Variants in SMG1 observed in about 807,000 individuals in gnomAD.
SMG1 encodes the protein SMG1 nonsense mediated mRNA decay associated PI3K related kinase, also known as serine/threonine-protein kinase SMG1.
In SMG1, 22 loss-of-function variants were observed where a neutral mutation model predicts 419.9. The ratio of observed to expected loss-of-function variants is 0.05; its 90% CI spans 0.04 to 0.07. The LOEUF (loss-of-function observed/expected upper bound fraction) is 0.07. Ranked by LOEUF, SMG1 falls within the 10% of genes least tolerant of loss-of-function variation. The pLI is 1.00. For synonymous variants in SMG1, 1,538 were observed against 1,553.5 expected (o/e 0.99, Z 0.23); for missense variants, 3,185 against 4,342.0 (o/e 0.73, Z 7.49).
chr16:18,921,221 T>C (rs952458836), intron 1 of SMG1, among the ~76,000 whole-genome samples: 8 of 151,228 alleles, frequency 5.3e-5, no homozygotes, highest in Non-Finnish European at 1.5e-5. Context: ...TGTGGTGGTA[T>C]GCACCTGTGG....
intron 62 of SMG1, among the ~76,000 whole-genome samples, chr16:18,810,411 G>A (rs568933350): frequency 1.3e-5 from 2 of 152,276 alleles, no homozygotes; most frequent in South Asian, 4.1e-4. Flanking sequence ...CGGAAGAGAA[G>A]AGGGAAAGGC....
intron 19 of SMG1, among the ~76,000 whole-genome samples, chr16:18,869,572 G>A (rs2035701644): frequency 6.6e-6 from 1 of 151,876 alleles, no homozygotes; most frequent in Non-Finnish European, 1.5e-5. Flanking sequence ...AGCATGTCTA[G>A]AATATCTCCA....
chr16:18,819,711 GTGGAGTATTTTATATAACAC>G, intron 55 of SMG1, 57 bp from the exon 56 acceptor site: 1 of 1,438,818 alleles, frequency 7.0e-7, no homozygotes, highest in East Asian at 2.5e-5. Context: ...CTTCCTATTT[GTGGAGTATTTTATATAACAC>G]AATAAAGATT....
intron 6 of SMG1, among the ~76,000 whole-genome samples, 167 bp from the exon 7 acceptor site, chr16:18,885,833 C>A (rs1048212624): frequency 3.3e-5 from 5 of 152,022 alleles, no homozygotes; most frequent in African/African-American, 9.6e-5. Flanking sequence ...TAAATCCCAA[C>A]TACCTGGGAG....
Position 18,832,907 on chromosome 16 carries a change from T to G in SMG1, c.8792+33A>C, listed in dbSNP as rs1048767019. On this transcript the variant is annotated intron_variant, in intron 51 of 62. Transcript: ENST00000446231. ...CTTTCTCTGGCTGTCCCATCTCTTT[T>G]ACAAGGAAACGGCACAGCCAGCATT... The G allele has an allele frequency of 8.9e-6, 14 of 1,575,690 alleles. No individual in the cohort carries two copies. The African/African-American group carries it at 1.9e-4, about 21-fold the overall frequency.
chr16:18,849,104 A>AAAAAAAAAAAAAAAAAC lies in SMG1; in HGVS notation c.5623+112_5623+113insGTTTTTTTTTTTTTTTT, dbSNP rs1555493199. On this transcript the variant is annotated intron_variant, in intron 36 of 62. Transcript: ENST00000446231. ...AAAAAAAAAAAAAAAAAAAAAAAAA[A>AAAAAAAAAAAAAAAAAC]AACCCTACAAACTCTAACAACTCTG... 4 of 260,670 alleles carry AAAAAAAAAAAAAAAAAC rather than the reference A, an allele frequency of 1.5e-5. 2 individuals carry two copies. Among genetic ancestry groups the AAAAAAAAAAAAAAAAAC allele is most frequent in the Non-Finnish European group, 1.4e-5 (2 of 147,924 alleles). The allele number at this position is 260,670 out of a possible 1,614,324, so 16.1% of individuals were successfully genotyped here. A position where few individuals can be genotyped will look rare whatever the true frequency, so the allele number is the denominator to read the frequency against.
At chr16:18,847,093 G>A (rs766184948) in intron 38 of SMG1, among the ~76,000 whole-genome samples, 3 of 151,990 alleles carry the variant, frequency 2.0e-5, no homozygotes, top group African/African-American at 7.3e-5. Flanking sequence ...ATAAACCTTC[G>A]GGCCATTATT....
chr16:18,865,972 A>C (rs1436622149), intron 23 of SMG1, among the ~76,000 whole-genome samples: 3 of 152,024 alleles, frequency 2.0e-5, no homozygotes, highest in African/African-American at 7.2e-5. Context: ...TAACATGGCA[A>C]ATTTTTTTTT....
At chr16:18,914,015 A>C (rs2037881511) in intron 1 of SMG1, among the ~76,000 whole-genome samples, 1 of 152,008 alleles carries the variant, frequency 6.6e-6, no homozygotes, top group Non-Finnish European at 1.5e-5. Flanking sequence ...AAAAATACAA[A>C]AAATTAGCCA....
chr16:18,862,890 G>C (rs1189058358), intron 25 of SMG1, among the ~76,000 whole-genome samples: 3 of 152,156 alleles, frequency 2.0e-5, no homozygotes, highest in Non-Finnish European at 4.4e-5. Flanking sequence ...CAGGTCTAGG[G>C]CCAAAGGGCA....
chr16:18,834,181 A>G, intron 50 of SMG1, 23 bp downstream of exon 50: 3 of 1,494,756 alleles, frequency 2.0e-6, no homozygotes, highest in Non-Finnish European at 2.7e-6. Context: ...AAACAAACTA[A>G]TATTTAAAAT....
chr16:18,829,165 T>C (rs895867902), intron 54 of SMG1, 121 bp downstream of exon 54: 19 of 749,400 alleles, frequency 2.5e-5, no homozygotes, highest in African/African-American at 7.1e-5. Context: ...TGTGTTTGCA[T>C]TGGGTTGCTG....
intron 57 of SMG1, 145 bp from the exon 58 acceptor site, chr16:18,816,674 G>T: frequency 1.6e-6 from 1 of 639,304 alleles, no homozygotes; most frequent in Non-Finnish European, 2.7e-6. Flanking sequence ...TTACCTACAA[G>T]TTACTTAACA....
intron 25 of SMG1, 55 bp downstream of exon 25, chr16:18,863,595 A>C (rs543567635): frequency 1.3e-6 from 2 of 1,483,394 alleles, no homozygotes; most frequent in Admixed American, 3.3e-5. Flanking sequence ...TTGCCATAGG[A>C]AAAACATCAT....
intron 22 of SMG1, among the ~76,000 whole-genome samples, chr16:18,867,802 G>A (rs770688221): frequency 5.0e-5 from 7 of 140,870 alleles, no homozygotes; most frequent in East Asian, 2.4e-4. Flanking sequence ...TCCGCCTCCC[G>A]GGTTCACGCC....
Position 18,841,725 on chromosome 16 carries a change from G to A in SMG1, c.6536C>T (p.Thr2179Ile), listed in dbSNP as rs1477509386. Residue 2179 changes from threonine to isoleucine, a missense_variant, in exon 41 of 63, where the codon ACA (threonine) becomes ATA (isoleucine). Physicochemically the swap from Thr to Ile is moderately conservative, Grantham distance 89. This residue lies in a region of SMG1 where 35 missense variants were observed against 33.8 expected (regional missense o/e 1.04). Coordinates refer to ENST00000446231, the MANE Select transcript of SMG1 (RefSeq NM_015092.5). Reference sequence around the variant, plus strand: ...CCGGGGTGTTTCTTGGCGATTAATTGTAGCAAACATGGTATTCACAATAGA... The same window carrying A: ...CCGGGGTGTTTCTTGGCGATTAATTATAGCAAACATGGTATTCACAATAGA... ...FLSIVNTMFATINRQETPRFH... is the reference protein window; with the variant it reads ...FLSIVNTMFAIINRQETPRFH... 1.2e-6 allele frequency: 2 copies of A among 1,613,966 alleles called. No individual in the cohort carries two copies. Among genetic ancestry groups the A allele is most frequent in the Non-Finnish European group, 8.5e-7 (1 of 1,179,878 alleles).
Position 18,869,862 on chromosome 16 carries a change from A to G in SMG1, c.2625T>C (p.His875=), listed in dbSNP as rs1203620862. 4.4e-6 allele frequency: 7 copies of G among 1,584,832 alleles called. No homozygotes were observed. The highest frequency in any genetic ancestry group is 6.0e-6 in the Non-Finnish European group (7 of 1,168,858). The part of the protein sequence containing the change: ...VISFILYGNS[H]RTGKDNWLER... ...TCAAAGAAATGCCTTACCCTGTTCT[A>G]TGAGAGTTCCCATACAAAATAAAAC... The change falls in exon 19 of 63, where the codon CAT becomes CAC. Residue 875 remains histidine, a synonymous_variant. Coordinates refer to ENST00000446231, the MANE Select transcript of SMG1 (RefSeq NM_015092.5).
intron 2 of SMG1, 118 bp from the exon 3 acceptor site, chr16:18,896,325 ACCTT>A (rs2037125792): frequency 1.3e-5 from 12 of 905,174 alleles, no homozygotes; most frequent in Admixed American, 3.8e-5. Flanking sequence ...TGCTTCTCCT[ACCTT>A]TTTCCTGTAC....
At chr16:18,914,180 C>T (rs1404561663) in intron 1 of SMG1, among the ~76,000 whole-genome samples, 1 of 147,970 alleles carries the variant, frequency 6.8e-6, no homozygotes, top group Admixed American at 6.8e-5. Flanking sequence ...AAAAAAAAAG[C>T]AACAAGTCCC....
Sources: gnomAD v4.1 joint callset for allele counts (sites outside exome capture counted in the v4.1 genomes callset) on GRCh38, gnomAD v4.1.1 for gene constraint, gnomAD v4.1.1 regional missense constraint, MANE v1.5 for transcripts, NCBI Gene and HGNC (gene_info 2026-07-23, HGNC 2026-07-21) for gene names.